RSU1: variants seen among roughly 807,000 people sequenced by gnomAD.
The protein encoded by RSU1 is rsu-1.
RSU1 carries 26 observed loss-of-function variants against 31.1 expected under a neutral mutation model. The ratio of observed to expected loss-of-function variants is 0.84; its 90% confidence interval spans 0.61 to 1.16. RSU1 has a LOEUF of 1.16. RSU1 is among the 50% of genes most tolerant of loss of function. The pLI is 0.00. For synonymous variants in RSU1, 164 were observed against 136.3 expected, an observed-to-expected ratio of 1.20 and a Z score of -1.41; for missense variants, 320 against 339.1, an observed-to-expected ratio of 0.94 and a Z score of 0.44.
intron 2 of RSU1, among the ~76,000 whole-genome samples, chr10:16,809,200 G>A (rs996527111): frequency 6.6e-6 from 1 of 152,174 alleles, no homozygotes; most frequent in African/African-American, 2.4e-5. Context: ...TCTGCTCAAT[G>A]GGGACACTGC....
At chr10:16,781,717 C>T (rs1039126681) in intron 3 of RSU1, among the ~76,000 whole-genome samples, 3 of 152,066 alleles carry the variant, frequency 2.0e-5, no homozygotes, top group Non-Finnish European at 2.9e-5. Context: ...CCAGGCGCCA[C>T]GGTTCATGCC....
intron 8 of RSU1, among the ~76,000 whole-genome samples, chr10:16,662,985 A>C (rs1206174177): frequency 6.6e-6 from 1 of 151,738 alleles, no homozygotes; most frequent in Non-Finnish European, 1.5e-5. Context: ...AAAAAAAAAA[A>C]AAAACCCTCT....
intron 7 of RSU1, among the ~76,000 whole-genome samples, chr10:16,701,327 C>T (rs550767960): frequency 4.6e-5 from 7 of 152,238 alleles, no homozygotes; most frequent in East Asian, 1.9e-4. Flanking sequence ...TAATAGATGA[C>T]GGTCTAAAAA....
At chr10:16,702,310 G>A (rs1010880680) in intron 7 of RSU1, among the ~76,000 whole-genome samples, 2 of 152,336 alleles carry the variant, frequency 1.3e-5, no homozygotes, top group Admixed American at 6.5e-5. Context: ...CTGAGGAACC[G>A]CCTTACTGGG....
chr10:16,678,644 G>C (rs1256963173), intron 8 of RSU1, among the ~76,000 whole-genome samples: 1 of 152,124 alleles, frequency 6.6e-6, no homozygotes, highest in African/African-American at 2.4e-5. Context: ...TCCTACTGGG[G>C]AGTATTTTCT....
intron 8 of RSU1, among the ~76,000 whole-genome samples, chr10:16,685,382 T>C (rs1835423360): frequency 6.6e-6 from 1 of 152,194 alleles, no homozygotes; most frequent in South Asian, 2.1e-4. Flanking sequence ...AGAGTAAAGT[T>C]AAAGGAAGTT....
intron 2 of RSU1, among the ~76,000 whole-genome samples, chr10:16,806,281 G>A (rs1838264995): frequency 6.6e-6 from 1 of 152,206 alleles, no homozygotes; most frequent in Non-Finnish European, 1.5e-5. Context: ...GGTGGCCACA[G>A]GCACTCAGCA....
intron 7 of RSU1, among the ~76,000 whole-genome samples, chr10:16,730,292 C>T (rs1414473291): frequency 2.0e-5 from 3 of 152,188 alleles, no homozygotes; most frequent in Non-Finnish European, 4.4e-5. Context: ...GATCAAATTT[C>T]AACATCAGAT....
At chr10:16,731,944 T>C (rs1489775196) in intron 7 of RSU1, among the ~76,000 whole-genome samples, 9 of 152,174 alleles carry the variant, frequency 5.9e-5, no homozygotes, top group Admixed American at 5.2e-4. Flanking sequence ...TGGTCAAGTA[T>C]ATACAATTTT....
chr10:16,726,001 G>A (rs1836385942), intron 7 of RSU1, among the ~76,000 whole-genome samples: 1 of 151,012 alleles, frequency 6.6e-6, no homozygotes, highest in African/African-American at 2.4e-5. Flanking sequence ...AACATACATA[G>A]AATGTAGATA....
Position 16,738,453 on chromosome 10 carries a change from A to C in RSU1, c.598+14086T>G, listed in dbSNP as rs575656582. Among the ~76,000 whole-genome samples, 18 of 152,342 alleles carry C rather than the reference A, an allele frequency of 1.2e-4. 1 individual carries two copies. The South Asian group carries it at 3.3e-3, about 28-fold the overall frequency. On this transcript the variant is annotated intron_variant, in intron 7 of 8. Transcript: ENST00000345264. ...GTGAAAGAGCAAGACTCTGTCTCAAAAAAAAAGAAGAAAAACTGAAAATCA... is the reference window on the plus strand; with the variant it reads ...GTGAAAGAGCAAGACTCTGTCTCAACAAAAAAGAAGAAAAACTGAAAATCA...
At chr10:16,605,520 A>G (rs1285629986) in intron 8 of RSU1, among the ~76,000 whole-genome samples, 1 of 152,180 alleles carries the variant, frequency 6.6e-6, no homozygotes, top group South Asian at 2.1e-4. Context: ...CTAGGCCAAC[A>G]TCACTTTTGT....
At chr10:16,616,551 G>A (rs1833980903) in intron 8 of RSU1, among the ~76,000 whole-genome samples, 1 of 151,976 alleles carries the variant, frequency 6.6e-6, no homozygotes. Context: ...AACTGTCAGA[G>A]AGACAACAAA....
intron 4 of RSU1, among the ~76,000 whole-genome samples, chr10:16,760,201 T>G (rs1837179075): frequency 6.6e-6 from 1 of 152,208 alleles, no homozygotes; most frequent in South Asian, 2.1e-4. Context: ...GCAACTAACA[T>G]GCATTCATTG....
chr10:16,722,875 T>TACACACATATACATATATGTATATAC (rs1836300044), intron 7 of RSU1, among the ~76,000 whole-genome samples: 7 of 136,914 alleles, frequency 5.1e-5, no homozygotes, highest in South Asian at 2.3e-4. Context: ...TATGTATATA[T>TACACACATATACATATATGTATATAC]ACACACATAT....
Position 16,600,512 on chromosome 10 carries a change from TTAAGCAGA to T in RSU1, c.732-7024_732-7017del, listed in dbSNP as rs1479883265. 2.6e-5 allele frequency among the ~76,000 whole-genome samples: 4 copies of T among 151,886 alleles called. No homozygotes were observed. The East Asian group carries it at 7.7e-4, about 29-fold the overall frequency. ...ATAAATTTTGCAACTTTTTTTTTGA[TTAAGCAGA>T]TATATTATGCATGATTTTCTATTAC... On this transcript the variant is annotated intron_variant, in intron 8 of 8. Coordinates refer to ENST00000345264, the MANE Select transcript of RSU1 (RefSeq NM_012425.4).
chr10:16,729,211 A>C (rs757101409), intron 7 of RSU1, among the ~76,000 whole-genome samples: 1 of 152,248 alleles, frequency 6.6e-6, no homozygotes, highest in Non-Finnish European at 1.5e-5. Context: ...GTCTTGGCAC[A>C]GAAAATTTGC....
At chr10:16,754,386 G>T (rs1386862839) in intron 5 of RSU1, among the ~76,000 whole-genome samples, 1 of 152,192 alleles carries the variant, frequency 6.6e-6, no homozygotes, top group African/African-American at 2.4e-5. Flanking sequence ...TGGATAAATA[G>T]GTCAATAAGA....
chr10:16,812,052 A>G (rs1486461718), intron 2 of RSU1, among the ~76,000 whole-genome samples: 5 of 152,228 alleles, frequency 3.3e-5, no homozygotes, highest in African/African-American at 9.7e-5. Context: ...GGCTAGCTGG[A>G]GCGAGAAAAA....
Sources: gnomAD v4.1 joint callset for allele counts (sites outside exome capture counted in the v4.1 genomes callset) on GRCh38, gnomAD v4.1.1 for gene constraint, MANE v1.5 for transcripts, NCBI Gene and HGNC (gene_info 2026-07-23, HGNC 2026-07-21) for gene names.